Variants in ELL observed in about 807,000 individuals in gnomAD.
The protein encoded by ELL is RNA polymerase II elongation factor ELL.
In ELL, 18 loss-of-function variants were observed where a neutral mutation model predicts 64.0. The observed-to-expected ratio is 0.28, with a 90% CI of 0.19 to 0.42. The LOEUF (loss-of-function observed/expected upper bound fraction) is 0.42. ELL is among the 10% of genes least tolerant of loss of function. ELL has a pLI of 1.00. For synonymous variants in ELL, 399 were observed against 376.2 expected (o/e 1.06, Z -0.70); for missense variants, 797 against 870.4 (o/e 0.92, Z 1.06).
intron 5 of ELL, among the ~76,000 whole-genome samples, chr19:18,460,974 G>A (rs1199356233): frequency 6.6e-6 from 1 of 152,074 alleles, no homozygotes; most frequent in African/African-American, 2.4e-5. Context: ...CCATGGGTGA[G>A]GGGGGTGGAA....
At chr19:18,521,130 T>A (rs1358833851) in intron 1 of ELL, among the ~76,000 whole-genome samples, 1 of 151,906 alleles carries the variant, frequency 6.6e-6, no homozygotes, top group Non-Finnish European at 1.5e-5. Context: ...CCAGATGTGG[T>A]AGCCAGAGCT....
At chr19:18,495,307 G>A (rs1037061632) in intron 1 of ELL, among the ~76,000 whole-genome samples, 2 of 152,134 alleles carry the variant, frequency 1.3e-5, no homozygotes, top group Admixed American at 1.3e-4. Flanking sequence ...GGGAGCATCT[G>A]GGGGAGGGCC....
intron 4 of ELL, among the ~76,000 whole-genome samples, chr19:18,465,182 G>GC (rs1260363428): frequency 2.0e-4 from 31 of 152,230 alleles, no homozygotes; most frequent in African/African-American, 7.0e-4. Flanking sequence ...GCCAGCAGCT[G>GC]CCATAACCCA....
intron 2 of ELL, among the ~76,000 whole-genome samples, chr19:18,470,517 G>A (rs1975042891): frequency 6.6e-6 from 1 of 152,268 alleles, no homozygotes; most frequent in Admixed American, 6.5e-5. Context: ...CCTGGGGAAG[G>A]TAAAAAGGAG....
intron 5 of ELL, among the ~76,000 whole-genome samples, chr19:18,459,971 T>G (rs1370619838): frequency 6.6e-6 from 1 of 152,218 alleles, no homozygotes; most frequent in Admixed American, 6.5e-5. Flanking sequence ...GCCAGATTAG[T>G]AGGTCAAAGG....
intron 1 of ELL, among the ~76,000 whole-genome samples, chr19:18,519,401 C>G (rs1976203928): frequency 6.6e-6 from 1 of 152,206 alleles, no homozygotes; most frequent in African/African-American, 2.4e-5. Context: ...CAATCAAGTT[C>G]TTCAAGCCAC....
At chr19:18,463,656 G>C (rs376113455) in intron 4 of ELL, among the ~76,000 whole-genome samples, 1 of 151,870 alleles carries the variant, frequency 6.6e-6, no homozygotes, top group Non-Finnish European at 1.5e-5. Flanking sequence ...AACAGACAGC[G>C]TCCCCTACCA....
At chr19:18,473,673 C>T (rs911745589) in intron 1 of ELL, among the ~76,000 whole-genome samples, 1 of 152,222 alleles carries the variant, frequency 6.6e-6, no homozygotes, top group Non-Finnish European at 1.5e-5. Flanking sequence ...AACTGCGAGC[C>T]AGAGGAGGAC....
chr19:18,506,629 G>A (rs1975889278), intron 1 of ELL, among the ~76,000 whole-genome samples: 1 of 152,180 alleles, frequency 6.6e-6, no homozygotes, highest in Non-Finnish European at 1.5e-5. Flanking sequence ...GGAGGCTGAG[G>A]TAGGAGGATC....
chr19:18,466,323 TA>T (rs1319286010), intron 2 of ELL, among the ~76,000 whole-genome samples: 1 of 152,164 alleles, frequency 6.6e-6, no homozygotes, highest in Non-Finnish European at 1.5e-5. Flanking sequence ...CCCTATGAGG[TA>T]AAATGCAACA....
intron 1 of ELL, among the ~76,000 whole-genome samples, chr19:18,493,458 G>A (rs1343977814): frequency 6.6e-6 from 1 of 152,276 alleles, no homozygotes; most frequent in Non-Finnish European, 1.5e-5. Flanking sequence ...CCCAAATGCA[G>A]GGCCTGGTGC....
chr19:18,444,692 CCT>C lies in ELL; in HGVS notation c.*58_*59del, dbSNP rs897398581. On this transcript the variant is annotated 3_prime_UTR_variant, in exon 12 of 12. Coordinates refer to ENST00000262809, the MANE Select transcript of ELL (RefSeq NM_006532.4). ...CTCGGGTTTATTTTTTTAAATAAATCCTCTCTCACCGCCTTTTGCTCCCCCGA... is the reference window on the plus strand; with the variant it reads ...CTCGGGTTTATTTTTTTAAATAAATCCTCTCACCGCCTTTTGCTCCCCCGA... 39 of 1,479,370 alleles carry C rather than the reference CCT, an allele frequency of 2.6e-5. No homozygotes were observed. The highest frequency in any genetic ancestry group is 3.1e-5 in the Non-Finnish European group (34 of 1,100,034). The allele number at this position is 1,479,370 out of a possible 1,614,324, so 91.6% of individuals were successfully genotyped here.
rs67126664 is a variant in ELL at position 18,442,770 on chromosome 19, CAGAT to C, written c.*1978_*1981del. ...AGAAAATATCAGGAAACTGAAGACG[CAGAT>C]AGATGCCTTTCAATTGTAACATTTT... is the stretch of plus-strand genomic sequence containing the variant. On this transcript the variant is annotated 3_prime_UTR_variant, in exon 12 of 12. Transcript: ENST00000262809. 0.43 allele frequency: 88,840 copies of C among 205,840 alleles called. 22,293 individuals are homozygous for C. The highest frequency in any genetic ancestry group is 0.76 in the African/African-American group (32,818 of 43,464). 12.8% of individuals were successfully genotyped at this position (205,840 alleles called of 1,614,324 possible).
At chr19:18,450,095 C>G (rs1360193107) in intron 8 of ELL, among the ~76,000 whole-genome samples, 1 of 152,200 alleles carries the variant, frequency 6.6e-6, no homozygotes, top group Non-Finnish European at 1.5e-5. Context: ...CTTCCCTGAA[C>G]CCCAGCAGAC....
chr19:18,450,729 C>T lies in ELL; in HGVS notation c.1213G>A (p.Gly405Ser), dbSNP rs1298235141. The change falls in exon 8 of 12, where the codon GGC (glycine) becomes AGC (serine). Residue 405 changes from glycine to serine, a missense_variant. Transcript: ENST00000262809. ...TGCTCACAGTCTCGGCCGCTGTGGC[C>T]CAGGTCATTGCTGACATCGGCCAGG... ...DPLADVSNDL[G>S]HSGRDCEHGE... The T allele has an allele frequency of 1.3e-6, 2 of 1,586,386 alleles. No individual in the cohort carries two copies. Among genetic ancestry groups the T allele is most frequent in the Non-Finnish European group, 1.7e-6 (2 of 1,167,176 alleles).
chr19:18,450,983 G>C lies in ELL; in HGVS notation c.967-8C>G. The stretch of plus-strand genomic sequence containing the variant: ...AGGAGGCTGCAGCCGCTTCTGGAGA[G>C]GAGCAGAGATCATTTTAGAGGGGAG... On this transcript the variant is annotated splice_polypyrimidine_tract_variant and splice_region_variant and intron_variant, in intron 7 of 11. Transcript: ENST00000262809. The C allele has an allele frequency of 6.6e-7, 1 of 1,516,264 alleles. No individual in the cohort carries two copies. Among genetic ancestry groups the C allele is most frequent in the Non-Finnish European group, 8.8e-7 (1 of 1,132,706 alleles). The allele number at this position is 1,516,264 out of a possible 1,614,324, so 93.9% of individuals were successfully genotyped here. A position where few individuals can be genotyped will look rare whatever the true frequency, so the allele number is the denominator to read the frequency against.
intron 7 of ELL, among the ~76,000 whole-genome samples, 196 bp from the exon 8 acceptor site, chr19:18,451,171 C>T (rs1221618395): frequency 6.6e-6 from 1 of 152,198 alleles, no homozygotes; most frequent in Non-Finnish European, 1.5e-5. Flanking sequence ...CTGCTGGGAT[C>T]GATGCAGGGG....
At position 18,444,054 on chromosome 19, in the gene ELL, A is replaced by AGCCCTCTGCCCCCTTGGCTCTGAGC; in HGVS notation, c.*673_*697dup. The AGCCCTCTGCCCCCTTGGCTCTGAGC allele has an allele frequency of 4.3e-6, 1 of 231,938 alleles. No homozygotes were observed. 14.4% of individuals were successfully genotyped at this position (231,938 alleles called of 1,614,324 possible). A position where few individuals can be genotyped will look rare whatever the true frequency, so the allele number is the denominator to read the frequency against. On this transcript the variant is annotated 3_prime_UTR_variant, in exon 12 of 12. Coordinates refer to ENST00000262809, the MANE Select transcript of ELL (RefSeq NM_006532.4). Reference sequence around the variant, plus strand: ...GCAGGGCAGGCCTGGGGGCGCTGAAAGCCCTCTGCCCCCTTGGCTCTGAGC... The same window carrying AGCCCTCTGCCCCCTTGGCTCTGAGC: ...GCAGGGCAGGCCTGGGGGCGCTGAAAGCCCTCTGCCCCCTTGGCTCTGAGCGCCCTCTGCCCCCTTGGCTCTGAGC...
At chr19:18,502,916 G>C (rs970836104) in intron 1 of ELL, among the ~76,000 whole-genome samples, 2 of 152,186 alleles carry the variant, frequency 1.3e-5, no homozygotes, top group Admixed American at 1.3e-4. Context: ...GCAGAGCTTC[G>C]GTTATTAACA....
Sources: gnomAD v4.1 joint callset for allele counts (sites outside exome capture counted in the v4.1 genomes callset) on GRCh38, gnomAD v4.1.1 for gene constraint, MANE v1.5 for transcripts, NCBI Gene and HGNC (gene_info 2026-07-23, HGNC 2026-07-21) for gene names.